The following PDXK variants were observed in gnomAD, a reference collection of about 807,000 sequenced individuals.
PDXK encodes the protein pyridoxal kinase, also known as epididymis secretory sperm binding protein Li 1a.
A neutral mutation model predicts 43.2 loss-of-function variants in PDXK; 15 were observed. That is an observed-to-expected ratio of 0.35 (90% CI 0.23 to 0.53). The LOEUF (loss-of-function observed/expected upper bound fraction) is 0.53, where lower values mean the gene tolerates loss of function less well. Ranked by LOEUF, PDXK falls within the 20% of genes least tolerant of loss-of-function variation. The probability of loss-of-function intolerance (pLI) is 0.92; values close to 1 mark genes in which losing one functional copy is unlikely to be tolerated. For missense variants in PDXK, 343 were observed against 417.0 expected (o/e 0.82, Z 1.54); for synonymous variants, 172 against 165.4 (o/e 1.04, Z -0.31).
At chr21:43,728,020 C>CG (rs2147213332) in intron 1 of PDXK, among the ~76,000 whole-genome samples, 1 of 152,338 alleles carries the variant, frequency 6.6e-6, no homozygotes, top group Non-Finnish European at 1.5e-5. Flanking sequence ...AGCTGGTGCA[C>CG]GGTCCCTCTG....
At chr21:43,729,208 C>T (rs73373276) in intron 1 of PDXK, among the ~76,000 whole-genome samples, 20,431 of 152,314 alleles carry the variant, frequency 0.13, 1,508 homozygotes, top group Middle Eastern at 0.21. Flanking sequence ...CTTCAGACTT[C>T]CCAGCGGAGA....
intron 5 of PDXK, among the ~76,000 whole-genome samples, chr21:43,748,757 G>A (rs937384521): frequency 6.6e-5 from 10 of 151,990 alleles, no homozygotes; most frequent in African/African-American, 9.7e-5. Context: ...CCCACTGTGC[G>A]CCCTGAGTCC....
rs961441565 is a variant in PDXK at position 43,761,835 on chromosome 21, C to T, written c.*5772C>T. 1 of 153,272 alleles carries T rather than the reference C, an allele frequency of 6.5e-6. No homozygotes were observed. Among genetic ancestry groups the T allele is most frequent in the Admixed American group, 6.5e-5 (1 of 15,284 alleles). The allele number at this position is 153,272 out of a possible 1,614,324, so 9.5% of individuals were successfully genotyped here. On this transcript the variant is annotated 3_prime_UTR_variant, in exon 11 of 11. Coordinates refer to ENST00000291565, the MANE Select transcript of PDXK (RefSeq NM_003681.5). ...GGTCCCCATGAGGTGTCTGAAGCCC[C>T]TTCTTGGTGATGGGAGGCAGAGGTG...
Position 43,737,417 on chromosome 21 carries a change from G to A in PDXK, c.142+3294G>A. On this transcript the variant is annotated intron_variant, in intron 2 of 10. Coordinates refer to ENST00000291565, the MANE Select transcript of PDXK (RefSeq NM_003681.5). This position sits in a 1 kb window ranked among gnomAD's most constrained non-coding sequence, Gnocchi z 4.8. ...GGGCTTGGCAGAGCCTCCACCTTGT[G>A]GCCAGTATTCCCAGTGGCCCCTTTG... 1.8e-5 allele frequency: 20 copies of A among 1,127,960 alleles called. No homozygotes were observed. Among genetic ancestry groups the A allele is most frequent in the Non-Finnish European group, 2.1e-5 (19 of 915,518 alleles). The allele number at this position is 1,127,960 out of a possible 1,614,324, so 69.9% of individuals were successfully genotyped here. A position where few individuals can be genotyped will look rare whatever the true frequency, so the allele number is the denominator to read the frequency against.
intron 9 of PDXK, chr21:43,755,435 A>C (rs1453978879): frequency 1.9e-6 from 1 of 526,572 alleles, no homozygotes; most frequent in African/African-American, 1.9e-5. Context: ...TATGCAGGTC[A>C]CGAGGCTGTC....
chr21:43,729,251 G>C (rs566700490), intron 1 of PDXK, among the ~76,000 whole-genome samples: 2 of 152,400 alleles, frequency 1.3e-5, no homozygotes, highest in South Asian at 2.1e-4. Flanking sequence ...CAGTGGGTTT[G>C]TCAGAGGCCG....
In PDXK at chr21:43,735,955, C is replaced by T. The variant is rs961243604; in HGVS notation, c.142+1832C>T. On this transcript the variant is annotated intron_variant, in intron 2 of 10. Transcript: ENST00000291565. This position sits in a 1 kb window ranked among gnomAD's most constrained non-coding sequence, Gnocchi z 5.3. Reference sequence around the variant, plus strand: ...TGCATCGTGTACCTGCCCTGGGTGCCACGGGAGCTGGTGGTCAAGACGGGG... The same window carrying T: ...TGCATCGTGTACCTGCCCTGGGTGCTACGGGAGCTGGTGGTCAAGACGGGG... Among the ~76,000 whole-genome samples the T allele has an allele frequency of 6.6e-6, 1 of 152,172 alleles. No homozygotes were observed. Among genetic ancestry groups the T allele is most frequent in the African/African-American group, 2.4e-5 (1 of 41,434 alleles).
intron 5 of PDXK, among the ~76,000 whole-genome samples, chr21:43,746,658 A>T (rs931469024): frequency 1.3e-5 from 2 of 152,086 alleles, no homozygotes; most frequent in African/African-American, 4.8e-5. Flanking sequence ...GCCTCAAGTG[A>T]TCCACCTGCC....
At chr21:43,752,221 C>T (rs1460130079) in intron 7 of PDXK, among the ~76,000 whole-genome samples, 1 of 152,242 alleles carries the variant, frequency 6.6e-6, no homozygotes, top group Non-Finnish European at 1.5e-5. Context: ...GCCAGCTCCT[C>T]CTCGCTGCAG....
At chr21:43,746,036 C>T (rs190385318) in intron 4 of PDXK, 43 bp from the exon 5 acceptor site, 1 of 1,508,386 alleles carries the variant, frequency 6.6e-7, no homozygotes, top group African/African-American at 1.4e-5. Flanking sequence ...TCTTACTCGT[C>T]AGCTGTAGCC....
chr21:43,743,868 G>A, intron 4 of PDXK, 61 bp downstream of exon 4: 2 of 1,215,728 alleles, frequency 1.6e-6, no homozygotes, highest in Non-Finnish European at 2.4e-6. Flanking sequence ...GGCTGGCCTG[G>A]GAGCCCGGGA....
chr21:43,733,965 G>C, intron 1 of PDXK, 104 bp from the exon 2 acceptor site: 1 of 1,174,468 alleles, frequency 8.5e-7, no homozygotes, highest in Admixed American at 1.7e-5. Flanking sequence ...CCCCGTGCCA[G>C]CCGGGACTCA....
At chr21:43,746,006 A>C in intron 4 of PDXK, 73 bp from the exon 5 acceptor site, 1 of 1,205,532 alleles carries the variant, frequency 8.3e-7, no homozygotes. Flanking sequence ...TAAAAAAAGA[A>C]GAAAGAAATG....
In PDXK at chr21:43,722,987, G is replaced by A. The variant is rs183010823; in HGVS notation, c.87+3606G>A. ...TGAGTAGCTGGGACCACAGGCGCCCGCCACCACGCCTGGCTAATTTTTTTG... is the reference window on the plus strand; with the variant it reads ...TGAGTAGCTGGGACCACAGGCGCCCACCACCACGCCTGGCTAATTTTTTTG... On this transcript the variant is annotated intron_variant, in intron 1 of 10. Transcript: ENST00000291565. Among the ~76,000 whole-genome samples, 760 of 150,080 alleles carry A rather than the reference G, an allele frequency of 5.1e-3. 10 individuals are homozygous for A. The highest frequency in any genetic ancestry group is 0.018 in the African/African-American group (723 of 40,748).
chr21:43,755,232 T>C (rs955065563), intron 9 of PDXK, among the ~76,000 whole-genome samples: 4 of 151,372 alleles, frequency 2.6e-5, no homozygotes, highest in Admixed American at 6.6e-5. Context: ...TGAGTGATGA[T>C]TGGCTGACTC....
intron 2 of PDXK, chr21:43,736,925 C>T (rs997342357): frequency 2.4e-5 from 17 of 700,296 alleles, no homozygotes; most frequent in East Asian, 5.4e-5. Context: ...TGAGACTCCA[C>T]GCCCAGTCTT....
chr21:43,743,641 C>T (rs1337116454), intron 3 of PDXK, 83 bp from the exon 4 acceptor site: 1 of 891,418 alleles, frequency 1.1e-6, no homozygotes, highest in Non-Finnish European at 1.8e-6. Context: ...GCAGGGTCTG[C>T]TGGTGCTTCT....
rs1395070389 is a variant in PDXK at position 43,748,938 on chromosome 21, CT to C, written c.379-56del. 11 of 1,106,054 alleles carry C rather than the reference CT, an allele frequency of 9.9e-6. No homozygotes were observed. The East Asian group carries it at 2.1e-4, about 21-fold the overall frequency. The allele number at this position is 1,106,054 out of a possible 1,614,324, so 68.5% of individuals were successfully genotyped here. A position where few individuals can be genotyped will look rare whatever the true frequency, so the allele number is the denominator to read the frequency against. On this transcript the variant is annotated intron_variant, in intron 5 of 10. Coordinates refer to ENST00000291565, the MANE Select transcript of PDXK (RefSeq NM_003681.5). ...CGTGGTGGGCTTCCCTCCGCGCCCC[CT>C]GGCGTGCTTCCCTCACGGTGACTCA...
At chr21:43,729,588 A>T (rs917915683) in intron 1 of PDXK, among the ~76,000 whole-genome samples, 8 of 152,088 alleles carry the variant, frequency 5.3e-5, no homozygotes, top group African/African-American at 1.7e-4. Context: ...GGCTGGGTTT[A>T]GAGGGGTACG....
Sources: allele counts gnomAD v4.1 joint callset (sites outside exome capture counted in the v4.1 genomes callset), GRCh38; gene constraint gnomAD v4.1.1; non-coding constraint Gnocchi (gnomAD v3.1); transcripts MANE v1.5; gene names NCBI Gene and HGNC (gene_info 2026-07-23, HGNC 2026-07-21).